Variants in PCDH15 observed in about 807,000 individuals in gnomAD.
PCDH15 encodes protocadherin-15.
A neutral mutation model predicts 178.5 loss-of-function variants in PCDH15; 129 were observed. The ratio of observed to expected loss-of-function variants is 0.72; its 90% CI spans 0.63 to 0.84. The LOEUF (loss-of-function observed/expected upper bound fraction) is 0.84, where lower values mean the gene tolerates loss of function less well. Among genes scored for constraint, PCDH15 ranks in the 40% least tolerant of loss-of-function variants. The pLI, the probability that PCDH15 is intolerant of heterozygous loss-of-function variation, is 0.00. For missense variants in PCDH15, 2,230 were observed against 2,099.9 expected (o/e 1.06, Z -1.21); for synonymous variants, 800 against 732.0 (o/e 1.09, Z -1.50).
intron 1 of PCDH15, among the ~76,000 whole-genome samples, chr10:54,723,042 A>C (rs116321643): frequency 6.6e-6 from 1 of 151,774 alleles, no homozygotes; most frequent in African/African-American, 2.4e-5. Flanking sequence ...TATAAAAAAA[A>C]AATCTTAATG....
intron 2 of PCDH15, among the ~76,000 whole-genome samples, chr10:55,082,031 C>CA (rs967233137): frequency 8.0e-4 from 122 of 151,714 alleles, no homozygotes; most frequent in Middle Eastern, 3.4e-3. Context: ...GACAGAAAAG[C>CA]AAAAAAAGAA....
Position 55,382,598 on chromosome 10 carries a change from T to C in PCDH15, c.-155-215947A>G, listed in dbSNP as rs116550233. Reference sequence around the variant, plus strand: ...GATTTTAACCCAGTGAGACACGTGTTGGATTATATCCTATAGAACTGTATG... The same window carrying C: ...GATTTTAACCCAGTGAGACACGTGTCGGATTATATCCTATAGAACTGTATG... On this transcript the variant is annotated intron_variant, in intron 2 of 5. Coordinates refer to the PCDH15 transcript ENST00000613346. Among the ~76,000 whole-genome samples the C allele has an allele frequency of 9.1e-3, 1,383 of 152,302 alleles. 26 individuals are homozygous for C. Among genetic ancestry groups the C allele is most frequent in the African/African-American group, 0.032 (1,333 of 41,566 alleles).
intron 1 of PCDH15, among the ~76,000 whole-genome samples, chr10:54,719,407 G>T (rs1043972732): frequency 6.6e-5 from 10 of 151,972 alleles, no homozygotes; most frequent in African/African-American, 2.4e-4. Flanking sequence ...TATTCCAGAG[G>T]AAGATGAAGA....
intron 1 of PCDH15, among the ~76,000 whole-genome samples, chr10:55,262,175 G>T (rs1404925720): frequency 7.0e-6 from 1 of 142,516 alleles, no homozygotes; most frequent in African/African-American, 2.6e-5. Context: ...GGGGGAGGGA[G>T]GGAGGGAAAG....
At chr10:54,468,210 G>C (rs1002505651) in intron 3 of PCDH15, among the ~76,000 whole-genome samples, 1 of 151,364 alleles carries the variant, frequency 6.6e-6, no homozygotes, top group Non-Finnish European at 1.5e-5. Context: ...TTTTGGTTTG[G>C]TGTGTTCTTG....
At chr10:55,042,971 T>C (rs1405512818) in intron 2 of PCDH15, among the ~76,000 whole-genome samples, 1 of 152,142 alleles carries the variant, frequency 6.6e-6, no homozygotes, top group Non-Finnish European at 1.5e-5. Context: ...ATGTGTTGCA[T>C]GTCAGCCCTT....
At chr10:54,000,321 C>T (rs1354768270) in intron 20 of PCDH15, among the ~76,000 whole-genome samples, 2 of 152,034 alleles carry the variant, frequency 1.3e-5, no homozygotes, top group African/African-American at 2.4e-5. Flanking sequence ...AACATGAAGT[C>T]ACCAAATGAA....
At chr10:55,096,356 C>T (rs1842450699) in intron 2 of PCDH15, among the ~76,000 whole-genome samples, 1 of 152,054 alleles carries the variant, frequency 6.6e-6, no homozygotes, top group African/African-American at 2.4e-5. Flanking sequence ...TACACTCAAT[C>T]AGTATAATTT....
intron 2 of PCDH15, among the ~76,000 whole-genome samples, chr10:55,102,667 T>G (rs796482980): frequency 4.6e-5 from 7 of 152,192 alleles, no homozygotes; most frequent in African/African-American, 1.7e-4. Context: ...AGTTGACACT[T>G]GAGCAATGCA....
intron 2 of PCDH15, among the ~76,000 whole-genome samples, chr10:54,567,741 T>C (rs976378295): frequency 2.6e-5 from 4 of 152,142 alleles, no homozygotes; most frequent in African/African-American, 9.7e-5. Flanking sequence ...CCTATAAATA[T>C]ATTTTGAGAG....
chr10:54,798,452 C>G (rs979736852), intron 1 of PCDH15, among the ~76,000 whole-genome samples: 1 of 152,020 alleles, frequency 6.6e-6, no homozygotes, highest in African/African-American at 2.4e-5. Flanking sequence ...CCATCCCTGA[C>G]AAGTAAAACA....
At chr10:54,291,864 G>A (rs1591622615) in intron 8 of PCDH15, among the ~76,000 whole-genome samples, 3 of 152,130 alleles carry the variant, frequency 2.0e-5, no homozygotes, top group South Asian at 2.1e-4. Flanking sequence ...AGGGCCAGAC[G>A]GATTCACAGC....
intron 1 of PCDH15, among the ~76,000 whole-genome samples, chr10:55,289,921 C>CATACTTTAAGTGTTTCA (rs1564972969): frequency 1.6e-4 from 24 of 151,906 alleles, no homozygotes; most frequent in African/African-American, 5.6e-4. Flanking sequence ...GTAGTAAAAG[C>CATACTTTAAGTGTTTCA]AAGCTGGCTG....
At chr10:55,192,536 G>C (rs2132147640) in intron 1 of PCDH15, among the ~76,000 whole-genome samples, 1 of 151,478 alleles carries the variant, frequency 6.6e-6, no homozygotes, top group South Asian at 2.1e-4. Flanking sequence ...AGTTTCCTTT[G>C]CAATGTTTTG....
chr10:54,829,387 GAAGT>G (rs552356561), intron 3 of PCDH15, among the ~76,000 whole-genome samples: 1 of 152,002 alleles, frequency 6.6e-6, no homozygotes, highest in African/African-American at 2.4e-5. Context: ...CATACTGGTG[GAAGT>G]AAGTATTTTA....
intron 2 of PCDH15, among the ~76,000 whole-genome samples, chr10:54,567,868 C>T (rs936979991): frequency 6.6e-6 from 1 of 152,168 alleles, no homozygotes; most frequent in African/African-American, 2.4e-5. Context: ...GGCCTTCCTG[C>T]TGTGCTATTT....
intron 28 of PCDH15, among the ~76,000 whole-genome samples, chr10:53,851,580 A>C (rs150342429): frequency 1.7e-3 from 255 of 149,960 alleles, no homozygotes; most frequent in African/African-American, 6.0e-3. Flanking sequence ...CCTTAAAACC[A>C]AGTTTTTATT....
rs2088321883 is a variant in PCDH15 at position 53,961,604 on chromosome 10, T to A, written c.3009+148A>T. On this transcript the variant is annotated intron_variant, in intron 22 of 37. Coordinates refer to ENST00000644397, the MANE Select transcript of PCDH15 (RefSeq NM_001384140.1). ...AGTGGTTTTCTTTTTACTATTTTTG[T>A]AAGTTTCTAAGAGAAAAAAAAATTG... 7 of 557,278 alleles carry A rather than the reference T, an allele frequency of 1.3e-5. No homozygotes were observed. In the East Asian group the frequency reaches 2.0e-4, roughly 16 times the overall value. 34.5% of individuals were successfully genotyped at this position (557,278 alleles called of 1,614,324 possible). A position where few individuals can be genotyped will look rare whatever the true frequency, so the allele number is the denominator to read the frequency against.
chr10:55,529,890 G>A (rs889241712), intron 2 of PCDH15, among the ~76,000 whole-genome samples: 22 of 150,168 alleles, frequency 1.5e-4, no homozygotes, highest in African/African-American at 4.6e-4. Flanking sequence ...GATATGCTAC[G>A]TTAATGCTCC....
Sources: allele counts gnomAD v4.1 joint callset (sites outside exome capture counted in the v4.1 genomes callset), GRCh38; gene constraint gnomAD v4.1.1; transcripts MANE v1.5; gene names NCBI Gene and HGNC (gene_info 2026-07-23, HGNC 2026-07-21).